CDH7: variants seen among roughly 807,000 people sequenced by gnomAD.
CDH7 encodes the protein cadherin 7.
A neutral mutation model predicts 71.8 loss-of-function variants in CDH7; 25 were observed. The observed-to-expected ratio is 0.35, with a 90% confidence interval of 0.25 to 0.49. The LOEUF is 0.49. Ranked by LOEUF, CDH7 falls within the 20% of genes least tolerant of loss-of-function variation. The pLI, the probability that CDH7 is intolerant of heterozygous loss-of-function variation, is 0.99. For synonymous variants in CDH7, 381 were observed against 363.8 expected (o/e 1.05, Z -0.54); for missense variants, 862 against 974.6 (o/e 0.88, Z 1.54).
intron 2 of CDH7, among the ~76,000 whole-genome samples, chr18:65,764,209 A>G (rs181043587): frequency 6.6e-6 from 1 of 152,000 alleles, no homozygotes; most frequent in South Asian, 2.1e-4. Context: ...ATGTTTATTG[A>G]TGAGCATCTA....
At chr18:65,845,271 A>G (rs1261913984) in intron 7 of CDH7, among the ~76,000 whole-genome samples, 2 of 151,970 alleles carry the variant, frequency 1.3e-5, no homozygotes, top group Non-Finnish European at 2.9e-5. Context: ...AAAAATAGTT[A>G]TTTAAAAAGT....
intron 2 of CDH7, among the ~76,000 whole-genome samples, chr18:65,767,618 G>A (rs965883180): frequency 1.3e-5 from 2 of 152,154 alleles, no homozygotes; most frequent in Non-Finnish European, 2.9e-5. Flanking sequence ...CTAGGAATGA[G>A]TAGAAACCCC....
chr18:65,775,278 A>C (rs756812783), intron 2 of CDH7, among the ~76,000 whole-genome samples: 28 of 152,306 alleles, frequency 1.8e-4, no homozygotes, highest in Non-Finnish European at 1.5e-4. Context: ...TGTGAGTCTC[A>C]GCATTGCTAT....
chr18:65,854,938 C>T (rs1285490014), intron 7 of CDH7, among the ~76,000 whole-genome samples: 2 of 68,312 alleles, frequency 2.9e-5, no homozygotes, highest in African/African-American at 7.0e-5. Context: ...TATATACACA[C>T]ACATATATAT....
chr18:65,765,021 G>T lies in CDH7; in HGVS notation c.210+1969G>T, dbSNP rs183733618. ...GTGTAGTTTCTTGATTAGGTAACAA[G>T]AAATATTATGTACCTCTCTTCCAAC... On this transcript the variant is annotated intron_variant, in intron 2 of 11. Transcript: ENST00000397968. Among the ~76,000 whole-genome samples the T allele has an allele frequency of 4.2e-3, 632 of 152,104 alleles. 4 individuals are homozygous for T. Among genetic ancestry groups the T allele is most frequent in the Non-Finnish European group, 6.3e-3 (426 of 67,918 alleles).
chr18:65,788,262 C>A (rs755239331), intron 2 of CDH7, among the ~76,000 whole-genome samples: 24 of 152,108 alleles, frequency 1.6e-4, no homozygotes, highest in South Asian at 6.2e-4. Context: ...AAATTCATAG[C>A]AAATTTTACA....
At chr18:65,849,370 TTTTC>T (rs1913055934) in intron 7 of CDH7, among the ~76,000 whole-genome samples, 1 of 70,272 alleles carries the variant, frequency 1.4e-5, no homozygotes, top group East Asian at 2.7e-4. Context: ...TTTTCTTTTC[TTTTC>T]TTTTCTTTTC....
intron 6 of CDH7, among the ~76,000 whole-genome samples, chr18:65,835,979 G>C (rs1599039555): frequency 1.3e-5 from 2 of 152,264 alleles, no homozygotes; most frequent in East Asian, 3.9e-4. Flanking sequence ...AGGAAAGAAG[G>C]ATGAGTCAGT....
Position 65,789,481 on chromosome 18 carries a change from T to TGTTTG in CDH7, c.211-20223_211-20222insGTTTG, listed in dbSNP as rs1555682879. Among the ~76,000 whole-genome samples the TGTTTG allele has an allele frequency of 1.5e-3, 232 of 151,678 alleles. 2 individuals are homozygous for TGTTTG. Among genetic ancestry groups the TGTTTG allele is most frequent in the African/African-American group, 5.4e-3 (222 of 41,226 alleles). On this transcript the variant is annotated intron_variant, in intron 2 of 11. Transcript: ENST00000397968. ...ATGTGCTATTTTTTTGTTTGTTTTT[T>TGTTTG]TTTGTTTGTTTTTTGATAAGTTTGA...
intron 8 of CDH7, 113 bp downstream of exon 8, chr18:65,858,065 A>G (rs1430288013): frequency 2.0e-6 from 2 of 981,152 alleles, no homozygotes; most frequent in Non-Finnish European, 2.9e-6. Context: ...TGAATTGTAC[A>G]AAAACTTGAG....
At chr18:65,843,745 A>C in intron 6 of CDH7, 67 bp from the exon 7 acceptor site, 1 of 1,385,744 alleles carries the variant, frequency 7.2e-7, no homozygotes, top group Non-Finnish European at 9.6e-7. Context: ...ACATTCATAA[A>C]TGAAAAGGCT....
rs573265215 is a variant in CDH7, at chr18:65,827,181, G to A, written c.981+2350G>A. On this transcript the variant is annotated intron_variant, in intron 6 of 11. Transcript: ENST00000397968. ...TCAAAACTCCATTATTTTTAGTTGA[G>A]ATTGTTAGCAACTAAAATTAAATTT... 4.0e-5 allele frequency among the ~76,000 whole-genome samples: 6 copies of A among 151,744 alleles called. No individual in the cohort carries two copies. The South Asian group carries it at 8.3e-4, about 21-fold the overall frequency.
chr18:65,766,929 A>G (rs1172264800), intron 2 of CDH7, among the ~76,000 whole-genome samples: 3 of 138,844 alleles, frequency 2.2e-5, no homozygotes, highest in Non-Finnish European at 3.1e-5. Flanking sequence ...AAAAGTCTAC[A>G]AAACCACTCA....
chr18:65,828,003 C>CT (rs1260133128), intron 6 of CDH7, among the ~76,000 whole-genome samples: 2 of 151,626 alleles, frequency 1.3e-5, no homozygotes, highest in South Asian at 2.1e-4. Flanking sequence ...GCAAACATTA[C>CT]TTTTTTCTTT....
rs191365018 is a variant in CDH7, at chr18:65,860,183, T to C, written c.1612+358T>C. On this transcript the variant is annotated intron_variant, in intron 10 of 11. Transcript: ENST00000397968. ...ATGCTCATAGATGCAACTTGAGACA[T>C]AAGAAAAAGAACTGGACATTACACA... Among the ~76,000 whole-genome samples, 306 of 152,232 alleles carry C rather than the reference T, an allele frequency of 2.0e-3. 1 individual carries two copies. Among genetic ancestry groups the C allele is most frequent in the African/African-American group, 7.2e-3 (298 of 41,558 alleles).
At chr18:65,875,973 G>A (rs565481982) in intron 11 of CDH7, among the ~76,000 whole-genome samples, 62 of 152,252 alleles carry the variant, frequency 4.1e-4, no homozygotes, top group Middle Eastern at 3.4e-3. Flanking sequence ...TCAAAAGAGT[G>A]TAAAGAATTA....
intron 4 of CDH7, among the ~76,000 whole-genome samples, chr18:65,816,942 A>T (rs2143924159): frequency 6.6e-6 from 1 of 152,290 alleles, no homozygotes; most frequent in African/African-American, 2.4e-5. Context: ...TTATTTTGTA[A>T]CCTGCAAGCA....
At chr18:65,774,031 T>C (rs1916623727) in intron 2 of CDH7, among the ~76,000 whole-genome samples, 1 of 152,186 alleles carries the variant, frequency 6.6e-6, no homozygotes, top group Admixed American at 6.6e-5. Context: ...TTAGCTGGGC[T>C]TGCTTTTCAG....
At chr18:65,843,238 A>G (rs1370639781) in intron 6 of CDH7, among the ~76,000 whole-genome samples, 1 of 152,066 alleles carries the variant, frequency 6.6e-6, no homozygotes, top group Non-Finnish European at 1.5e-5. Flanking sequence ...GTATATTTTG[A>G]TGGAGGAATA....
Sources: gnomAD v4.1 joint callset for allele counts (sites outside exome capture counted in the v4.1 genomes callset) on GRCh38, gnomAD v4.1.1 for gene constraint, MANE v1.5 for transcripts, NCBI Gene and HGNC (gene_info 2026-07-23, HGNC 2026-07-21) for gene names.